MICU3: variants seen among roughly 807,000 people sequenced by gnomAD.
MICU3 encodes the protein calcium uptake protein 3, mitochondrial.
Under a neutral mutation model 66.5 loss-of-function variants are expected in MICU3, and 62 were observed. The observed-to-expected ratio is 0.93, with a 90% confidence interval of 0.76 to 1.15. MICU3 has a LOEUF of 1.15. Among genes scored for constraint, MICU3 ranks in the 50% most tolerant of loss-of-function variants. MICU3 has a pLI of 0.00. For missense variants in MICU3, 779 were observed against 664.4 expected (o/e 1.17, Z -1.90); for synonymous variants, 308 against 240.7 (o/e 1.28, Z -2.59).
intron 1 of MICU3, among the ~76,000 whole-genome samples, chr8:17,053,961 A>G (rs1466877225): frequency 6.6e-6 from 1 of 152,154 alleles, no homozygotes; most frequent in African/African-American, 2.4e-5. Context: ...CTGTGATTTC[A>G]TGTTTCTACT....
rs1359381863 is a variant in MICU3 at position 17,074,590 on chromosome 8, C to CAT, written c.568-3193_568-3192insAT. 8.9e-3 allele frequency among the ~76,000 whole-genome samples: 1,268 copies of CAT among 142,012 alleles called. 19 individuals carry two copies. Among genetic ancestry groups the CAT allele is most frequent in the African/African-American group, 0.03 (1,179 of 39,530 alleles). 93.2% of individuals were successfully genotyped at this position (142,012 alleles called of 152,430 possible). On this transcript the variant is annotated intron_variant, in intron 3 of 14. Coordinates refer to ENST00000318063, the MANE Select transcript of MICU3 (RefSeq NM_181723.3). ...GAATCAGACTAAAATGATGTTAAAA[C>CAT]GTGTGTGTGTGTGTGTGTGTGTGTG...
Position 17,120,571 on chromosome 8 carries a change from TC to T in MICU3, c.*286del, listed in dbSNP as rs1420006077. ...TTCCCTTCAGAAGTATATAGATACT[TC>T]CGGTGACTACATATGAATGTACTTT... On this transcript the variant is annotated 3_prime_UTR_variant, in exon 15 of 15. Coordinates refer to ENST00000318063, the MANE Select transcript of MICU3 (RefSeq NM_181723.3). 1 of 152,364 alleles carries T rather than the reference TC, an allele frequency of 6.6e-6. No individual in the cohort carries two copies. Among genetic ancestry groups the T allele is most frequent in the Non-Finnish European group, 1.5e-5 (1 of 67,950 alleles). The allele number at this position is 152,364 out of a possible 1,614,324, so 9.4% of individuals were successfully genotyped here.
chr8:17,027,260 T>C lies in MICU3; in HGVS notation c.-20T>C, dbSNP rs777163774. On this transcript the variant is annotated 5_prime_UTR_variant, in exon 1 of 15. Coordinates refer to ENST00000318063, the MANE Select transcript of MICU3 (RefSeq NM_181723.3). ...TCCGTTCTCTGCCCCCTCCCAGCTC[T>C]GGTGTGGGCGGCCTCCGCTATGGCT... 4 of 849,388 alleles carry C rather than the reference T, an allele frequency of 4.7e-6. No individual in the cohort carries two copies. Among genetic ancestry groups the C allele is most frequent in the Admixed American group, 6.4e-5 (1 of 15,646 alleles). The allele number at this position is 849,388 out of a possible 1,614,324, so 52.6% of individuals were successfully genotyped here.
chr8:17,040,212 TATC>T (rs1217686607), intron 1 of MICU3, among the ~76,000 whole-genome samples: 1 of 152,164 alleles, frequency 6.6e-6, no homozygotes, highest in Non-Finnish European at 1.5e-5. Flanking sequence ...CTGGCCCCAT[TATC>T]ATATTTTTAA....
chr8:17,129,000 A>G, the MICU3 span, among the ~76,000 whole-genome samples: 1 of 152,218 alleles, frequency 6.6e-6, no homozygotes, highest in African/African-American at 2.4e-5. Flanking sequence ...GGGAGCCATC[A>G]GTGTTCAAAT....
At position 17,105,467 on chromosome 8, in the gene MICU3, A is replaced by G; in HGVS notation, c.1140A>G (p.Ser380=). The G allele has an allele frequency of 6.3e-7, 1 of 1,575,132 alleles. No individual in the cohort carries two copies. The highest frequency in any genetic ancestry group is 8.6e-7 in the Non-Finnish European group (1 of 1,156,428). Residue 380 remains serine (S), a synonymous_variant, in exon 11 of 15, where the codon TCA becomes TCG. Transcript: ENST00000318063. Reference sequence around the variant, plus strand: ...TAGAAATAGAATTCCTTTCCTACTCAAATGGAATGAATACCATCAGTGAAG... The same window carrying G: ...TAGAAATAGAATTCCTTTCCTACTCGAATGGAATGAATACCATCAGTGAAG... ...EVLEIEFLSY[S]NGMNTISEED...
intron 3 of MICU3, among the ~76,000 whole-genome samples, chr8:17,070,526 A>G (rs529997993): frequency 6.6e-6 from 1 of 152,234 alleles, no homozygotes; most frequent in Admixed American, 6.5e-5. Flanking sequence ...AGGGAATATC[A>G]TCAGTGATGG....
chr8:17,047,728 T>C (rs1304313970), intron 1 of MICU3, among the ~76,000 whole-genome samples: 1 of 152,146 alleles, frequency 6.6e-6, no homozygotes, highest in African/African-American at 2.4e-5. Context: ...GTAAGTTATT[T>C]AGGAATGAGA....
chr8:17,131,325 A>G, the MICU3 span: 1 of 152,182 alleles, frequency 6.6e-6, no homozygotes, highest in Admixed American at 6.5e-5. Context: ...TTCACTGGAT[A>G]GTGGAGAAGT....
intron 2 of MICU3, among the ~76,000 whole-genome samples, chr8:17,065,566 G>A (rs1354644111): frequency 1.3e-5 from 2 of 152,124 alleles, no homozygotes; most frequent in African/African-American, 2.4e-5. Flanking sequence ...CATAGGAGTG[G>A]CCAGAGACAT....
chr8:17,067,096 G>T (rs1035987800), intron 2 of MICU3, among the ~76,000 whole-genome samples: 1 of 152,034 alleles, frequency 6.6e-6, no homozygotes, highest in African/African-American at 2.4e-5. Context: ...ACATAATTAG[G>T]AACAATCACA....
intron 3 of MICU3, among the ~76,000 whole-genome samples, chr8:17,072,981 C>G (rs1461780998): frequency 6.6e-6 from 1 of 151,902 alleles, no homozygotes; most frequent in Non-Finnish European, 1.5e-5. Flanking sequence ...TCTTCTGCCT[C>G]CTGGGCTCAA....
chr8:17,128,358 G>C, the MICU3 span, among the ~76,000 whole-genome samples: 2 of 151,902 alleles, frequency 1.3e-5, no homozygotes, highest in African/African-American at 4.8e-5. Context: ...TCCAGATAAA[G>C]GTAGCCACTA....
At chr8:17,127,751 C>G in the MICU3 span, among the ~76,000 whole-genome samples, 12 of 152,012 alleles carry the variant, frequency 7.9e-5, no homozygotes, top group African/African-American at 2.9e-4. Context: ...GTTTTTGCTC[C>G]CAGATATGTG....
intron 1 of MICU3, among the ~76,000 whole-genome samples, chr8:17,034,934 C>T (rs1010624064): frequency 6.6e-6 from 1 of 152,176 alleles, no homozygotes; most frequent in African/African-American, 2.4e-5. Flanking sequence ...CTCAGTGTCC[C>T]ACCCAAGTCA....
At chr8:17,133,605 C>T in the MICU3 span, among the ~76,000 whole-genome samples, 3 of 151,960 alleles carry the variant, frequency 2.0e-5, no homozygotes, top group Non-Finnish European at 4.4e-5. Context: ...ATTTAATAAA[C>T]TGTCATATAT....
chr8:17,041,888 A>G (rs544502137), intron 1 of MICU3, among the ~76,000 whole-genome samples: 8 of 152,284 alleles, frequency 5.3e-5, no homozygotes, highest in African/African-American at 1.9e-4. Context: ...AGGTGATGTC[A>G]TCTTCTCGGA....
chr8:17,133,722 A>G, the MICU3 span, among the ~76,000 whole-genome samples: 57 of 152,314 alleles, frequency 3.7e-4, 1 homozygote, highest in Admixed American at 9.8e-4. Flanking sequence ...ACAAATATCT[A>G]ACCAACTTAT....
chr8:17,029,658 T>C (rs1293070045), intron 1 of MICU3, among the ~76,000 whole-genome samples: 1 of 152,158 alleles, frequency 6.6e-6, no homozygotes, highest in South Asian at 2.1e-4. Context: ...TGTATTTCCC[T>C]CTCTGAAAAC....
Sources: gnomAD v4.1 joint callset for allele counts (sites outside exome capture counted in the v4.1 genomes callset) on GRCh38, gnomAD v4.1.1 for gene constraint, MANE v1.5 for transcripts, NCBI Gene and HGNC (gene_info 2026-07-23, HGNC 2026-07-21) for gene names.